The following ARL3 variants were observed in gnomAD, a reference collection of about 807,000 sequenced individuals.
The protein encoded by ARL3 is ARF like GTPase 3, also known as ADP-ribosylation factor-like protein 3.
A neutral mutation model predicts 26.0 loss-of-function variants in ARL3; 9 were observed. The observed-to-expected ratio is 0.35, with a 90% CI of 0.21 to 0.60. ARL3 has a LOEUF of 0.60. Ranked by LOEUF, ARL3 falls within the 20% of genes least tolerant of loss-of-function variation. The probability of loss-of-function intolerance (pLI) is 0.78; values close to 1 mark genes in which losing one functional copy is unlikely to be tolerated. For synonymous variants in ARL3, 71 were observed against 78.4 expected (o/e 0.91, Z 0.50); for missense variants, 158 against 215.7 (o/e 0.73, Z 1.67).
intron 3 of ARL3, among the ~76,000 whole-genome samples, chr10:102,692,787 C>A (rs1590123244): frequency 6.6e-6 from 1 of 152,286 alleles, no homozygotes; most frequent in Non-Finnish European, 1.5e-5. Context: ...TGGCTCACTG[C>A]AAGCTCCATC....
At chr10:102,680,843 G>C (rs2064153226) in intron 5 of ARL3, among the ~76,000 whole-genome samples, 1 of 152,104 alleles carries the variant, frequency 6.6e-6, no homozygotes, top group Non-Finnish European at 1.5e-5. Context: ...GGCCCCCAGG[G>C]TCAAGAAGCA....
chr10:102,680,001 G>C (rs569936394), intron 5 of ARL3, among the ~76,000 whole-genome samples: 144 of 152,300 alleles, frequency 9.5e-4, no homozygotes, highest in Non-Finnish European at 1.8e-3. Flanking sequence ...GCCCAGGCTG[G>C]AGTGCAGTGG....
At chr10:102,686,102 C>A in intron 4 of ARL3, 101 bp from the exon 5 acceptor site, 1 of 980,662 alleles carries the variant, frequency 1.0e-6, no homozygotes, top group East Asian at 2.5e-5. Flanking sequence ...GACAGAGTCT[C>A]ACTCTGTCAC....
intron 1 of ARL3, among the ~76,000 whole-genome samples, chr10:102,713,714 C>T (rs1297718126): frequency 6.6e-6 from 1 of 152,314 alleles, no homozygotes; most frequent in South Asian, 2.1e-4. Flanking sequence ...CCCTTCCAAG[C>T]GGCACCCCTT....
intron 1 of ARL3, among the ~76,000 whole-genome samples, chr10:102,706,915 G>A (rs1434801822): frequency 6.6e-6 from 1 of 152,080 alleles, no homozygotes; most frequent in Non-Finnish European, 1.5e-5. Context: ...CCAGCGATCA[G>A]CCCACCTTGG....
At chr10:102,702,928 A>C (rs1302073289) in intron 2 of ARL3, among the ~76,000 whole-genome samples, 1 of 152,196 alleles carries the variant, frequency 6.6e-6, no homozygotes, top group Non-Finnish European at 1.5e-5. Flanking sequence ...CCAGGGTCTT[A>C]TCACGGTACA....
Position 102,714,314 on chromosome 10 carries a change from G to A in ARL3, c.-39C>T, listed in dbSNP as rs767756005. Reference sequence around the variant, plus strand: ...CCCTCCTCCTCCTCCTCCTCCTGCTGCCTCCCCCGTTACCAGGGGCAACTG... The same window carrying A: ...CCCTCCTCCTCCTCCTCCTCCTGCTACCTCCCCCGTTACCAGGGGCAACTG... On this transcript the variant is annotated 5_prime_UTR_variant, in exon 1 of 6. Coordinates refer to ENST00000260746, the MANE Select transcript of ARL3 (RefSeq NM_004311.4). The A allele has an allele frequency of 1.5e-6, 2 of 1,307,164 alleles. No homozygotes were observed. Among genetic ancestry groups the A allele is most frequent in the Non-Finnish European group, 2.0e-6 (2 of 1,019,802 alleles). The allele number at this position is 1,307,164 out of a possible 1,614,324, so 81.0% of individuals were successfully genotyped here.
chr10:102,695,606 C>T (rs967274647), intron 3 of ARL3, among the ~76,000 whole-genome samples: 1 of 151,758 alleles, frequency 6.6e-6, no homozygotes, highest in African/African-American at 2.4e-5. Flanking sequence ...GATCTTGGCT[C>T]ACCGCAACCT....
intron 3 of ARL3, among the ~76,000 whole-genome samples, chr10:102,692,036 C>T (rs567696995): frequency 6.6e-6 from 1 of 152,230 alleles, no homozygotes; most frequent in Admixed American, 6.5e-5. Context: ...TACAAGGATG[C>T]AGCTGGAGGA....
In ARL3 at chr10:102,675,791, C is replaced by T. The variant is rs1013075261; in HGVS notation, c.*1103G>A. 4.6e-5 allele frequency: 7 copies of T among 152,458 alleles called. No homozygotes were observed. The highest frequency in any genetic ancestry group is 1.7e-4 in the African/African-American group (7 of 41,444). The allele number at this position is 152,458 out of a possible 1,614,324, so 9.4% of individuals were successfully genotyped here. Reference sequence around the variant, plus strand: ...CACCCATGTCCTCCCCAGCAGCAAACCCTCTCCATCCAGGAGCATCCCACA... The same window carrying T: ...CACCCATGTCCTCCCCAGCAGCAAATCCTCTCCATCCAGGAGCATCCCACA... On this transcript the variant is annotated 3_prime_UTR_variant, in exon 6 of 6. Transcript: ENST00000260746.
chr10:102,699,439 C>G lies in ARL3; in HGVS notation c.198G>C (p.Trp66Cys). 6.2e-7 allele frequency: 1 copy of G among 1,612,978 alleles called. No individual in the cohort carries two copies. The highest frequency in any genetic ancestry group is 8.5e-7 in the Non-Finnish European group (1 of 1,179,364). The part of the protein sequence containing the change: ...VQSQGFKLNV[W>C]DIGGQRKIRP... ...TGATTTTCCTCTGTCCACCAATGTC[C>G]CATACATTCAGTTTAAAACCTTGTG... The change falls in exon 3 of 6, where the codon TGG (tryptophan) becomes TGC (cysteine). Residue 66 changes from tryptophan to cysteine, a missense_variant. Transcript: ENST00000260746.
At position 102,685,963 on chromosome 10, in the gene ARL3, A is replaced by G; in HGVS notation, c.354T>C (p.Cys118=). 6.2e-7 allele frequency: 1 copy of G among 1,613,788 alleles called. No individual in the cohort carries two copies. The highest frequency in any genetic ancestry group is 8.5e-7 in the Non-Finnish European group (1 of 1,179,918). ...AELLEEEKLS[C]VPVLIFANKQ... is the part of the protein sequence containing the mutation. ...TATTAGCAAAGATGAGCACTGGCACACAACTTAGTTTTTCTTCCTCCAGTA... is the reference window on the plus strand; with the variant it reads ...TATTAGCAAAGATGAGCACTGGCACGCAACTTAGTTTTTCTTCCTCCAGTA... The change falls in exon 5 of 6, where the codon TGT becomes TGC. Residue 118 remains cysteine, a synonymous_variant. Transcript: ENST00000260746.
chr10:102,688,043 C>T (rs767818294), intron 4 of ARL3, among the ~76,000 whole-genome samples: 1 of 152,174 alleles, frequency 6.6e-6, no homozygotes, highest in Non-Finnish European at 1.5e-5. Flanking sequence ...ACATGCTTCA[C>T]ATTTCATCAA....
At chr10:102,683,496 A>C (rs997946849) in intron 5 of ARL3, among the ~76,000 whole-genome samples, 1 of 152,116 alleles carries the variant, frequency 6.6e-6, no homozygotes, top group African/African-American at 2.4e-5. Flanking sequence ...TCCATACAAA[A>C]ATCATTTTTT....
At chr10:102,702,911 C>T (rs2136006989) in intron 2 of ARL3, among the ~76,000 whole-genome samples, 1 of 152,228 alleles carries the variant, frequency 6.6e-6, no homozygotes, top group Admixed American at 6.5e-5. Context: ...GCCATTCAAA[C>T]CTGACACCAG....
chr10:102,694,810 C>T (rs753257925), intron 3 of ARL3, among the ~76,000 whole-genome samples: 45 of 152,276 alleles, frequency 3.0e-4, no homozygotes, highest in Admixed American at 4.6e-4. Flanking sequence ...CCTCTGCCTC[C>T]TGGGTTCAAG....
At chr10:102,688,214 A>C (rs2064197613) in intron 4 of ARL3, among the ~76,000 whole-genome samples, 1 of 152,212 alleles carries the variant, frequency 6.6e-6, no homozygotes, top group African/African-American at 2.4e-5. Flanking sequence ...CATTAAATCC[A>C]CATTTTAGCT....
chr10:102,676,911 T>A lies in ARL3; in HGVS notation c.532A>T (p.Asn178Tyr). 2 of 1,614,214 alleles carry A rather than the reference T, an allele frequency of 1.2e-6. No individual in the cohort carries two copies. Among genetic ancestry groups the A allele is most frequent in the Non-Finnish European group, 1.7e-6 (2 of 1,180,012 alleles). ...DGMNWVCKNV[N>Y]AKKK ...TCTAGATTTTATTTCTTCTTTGCAT[T>A]GACATTTTTGCAGACCCAGTTCATG... Residue 178 changes from asparagine (N) to tyrosine (Y), a missense_variant, in exon 6 of 6, where the codon AAT becomes TAT. By Grantham distance (143) the Asn-to-Tyr change is moderately radical (BLOSUM62 -2). Transcript: ENST00000260746.
intron 5 of ARL3, among the ~76,000 whole-genome samples, chr10:102,685,359 C>A (rs1722201458): frequency 6.6e-6 from 1 of 151,980 alleles, no homozygotes; most frequent in South Asian, 2.1e-4. Flanking sequence ...GGAAACCAAC[C>A]TGAAGTAGCA....
Sources: allele counts gnomAD v4.1 joint callset (sites outside exome capture counted in the v4.1 genomes callset), GRCh38; gene constraint gnomAD v4.1.1; transcripts MANE v1.5; gene names NCBI Gene and HGNC (gene_info 2026-07-23, HGNC 2026-07-21).